PTPRD: variants seen among roughly 807,000 people sequenced by gnomAD.
PTPRD encodes protein tyrosine phosphatase receptor type D.
In PTPRD, 34 loss-of-function variants were observed where a neutral mutation model predicts 214.5. The ratio of observed to expected loss-of-function variants is 0.16; its 90% CI spans 0.12 to 0.21. PTPRD has a LOEUF of 0.21. Ranked by LOEUF, PTPRD falls within the 10% of genes least tolerant of loss-of-function variation. The probability of loss-of-function intolerance (pLI) is 1.00; values close to 1 mark genes in which losing one functional copy is unlikely to be tolerated. For missense variants in PTPRD, 2,545 were observed against 2,398.7 expected (o/e 1.06, Z -1.27); for synonymous variants, 1,128 against 845.7 (o/e 1.33, Z -5.79).
At chr9:10,278,530 A>T (rs10959011) in intron 3 of PTPRD, among the ~76,000 whole-genome samples, 14,051 of 152,184 alleles carry the variant, frequency 0.092, 744 homozygotes, top group African/African-American at 0.1. Flanking sequence ...CCACTGCAGA[A>T]CAGGAAAGAA....
chr9:8,684,107 C>A (rs185643544), intron 12 of PTPRD, among the ~76,000 whole-genome samples: 1 of 152,114 alleles, frequency 6.6e-6, no homozygotes, highest in Non-Finnish European at 1.5e-5. Context: ...ATCTCTGCTG[C>A]GCCCTATCTG....
intron 11 of PTPRD, among the ~76,000 whole-genome samples, chr9:8,882,912 G>T: frequency 7.2e-6 from 1 of 139,588 alleles, no homozygotes; most frequent in East Asian, 2.3e-4. Flanking sequence ...TTTAGAGCAT[G>T]ACTTCTGAAG....
At chr9:10,063,683 G>A (rs1276688305) in intron 3 of PTPRD, among the ~76,000 whole-genome samples, 2 of 151,992 alleles carry the variant, frequency 1.3e-5, no homozygotes, top group Non-Finnish European at 1.5e-5. Context: ...AAATTACGGT[G>A]TGAAAGCCCT....
intron 10 of PTPRD, among the ~76,000 whole-genome samples, chr9:9,076,840 T>C (rs1271684304): frequency 2.7e-5 from 4 of 150,850 alleles, no homozygotes; most frequent in African/African-American, 7.3e-5. Flanking sequence ...TGCTGGAACA[T>C]ATGGTAGCTC....
chr9:9,966,195 A>T (rs2094686175), intron 4 of PTPRD, among the ~76,000 whole-genome samples: 1 of 152,120 alleles, frequency 6.6e-6, no homozygotes. Context: ...GAAACTAAAG[A>T]CCTAAGGCTA....
chr9:8,565,226 G>A (rs2088492765), intron 14 of PTPRD, among the ~76,000 whole-genome samples: 1 of 152,082 alleles, frequency 6.6e-6, no homozygotes, highest in African/African-American at 2.4e-5. Flanking sequence ...GAGGACCGGG[G>A]AGTTTACACT....
chr9:8,353,898 A>ATG (rs1247071828), intron 39 of PTPRD, among the ~76,000 whole-genome samples: 1 of 143,794 alleles, frequency 7.0e-6, no homozygotes, highest in African/African-American at 2.6e-5. Flanking sequence ...ATATGTATAT[A>ATG]TGTATATATG....
chr9:9,376,110 C>A (rs2140082467), intron 9 of PTPRD, among the ~76,000 whole-genome samples: 1 of 152,150 alleles, frequency 6.6e-6, no homozygotes, highest in Admixed American at 6.6e-5. Context: ...TTCTACTATA[C>A]CATGATTCCT....
chr9:8,977,620 T>G (rs2099275310), intron 11 of PTPRD, among the ~76,000 whole-genome samples: 2 of 151,910 alleles, frequency 1.3e-5, no homozygotes, highest in South Asian at 4.2e-4. Flanking sequence ...CTCTCTATTT[T>G]AATAATTCAT....
intron 3 of PTPRD, among the ~76,000 whole-genome samples, chr9:10,069,521 T>TAG: frequency 6.6e-6 from 1 of 152,054 alleles, no homozygotes; most frequent in Non-Finnish European, 1.5e-5. Context: ...AGGATTTCTC[T>TAG]AGAGAAAATA....
intron 6 of PTPRD, among the ~76,000 whole-genome samples, chr9:9,744,372 A>G (rs1218569237): frequency 6.6e-6 from 1 of 152,048 alleles, no homozygotes; most frequent in Non-Finnish European, 1.5e-5. Flanking sequence ...GTAGATGTTG[A>G]GGACTGCATA....
chr9:9,271,522 T>C (rs1040191635), intron 9 of PTPRD, among the ~76,000 whole-genome samples: 2 of 151,520 alleles, frequency 1.3e-5, no homozygotes, highest in Middle Eastern at 3.4e-3. Flanking sequence ...ATGCTATGAA[T>C]TGAATTCATT....
At chr9:9,370,763 CTTA>C (rs1341765415) in intron 9 of PTPRD, among the ~76,000 whole-genome samples, 3 of 152,022 alleles carry the variant, frequency 2.0e-5, no homozygotes, top group African/African-American at 7.3e-5. Flanking sequence ...ATAGATAGCT[CTTA>C]TTATTTTGAG....
intron 12 of PTPRD, among the ~76,000 whole-genome samples, chr9:8,645,843 T>C (rs1468087612): frequency 1.3e-5 from 2 of 148,426 alleles, no homozygotes; most frequent in Non-Finnish European, 3.0e-5. Context: ...CTTCTCCTCT[T>C]ACTGAGTGTT....
At chr9:9,319,592 C>A (rs1160575590) in intron 9 of PTPRD, among the ~76,000 whole-genome samples, 2 of 152,146 alleles carry the variant, frequency 1.3e-5, no homozygotes, top group Admixed American at 6.6e-5. Context: ...CTCATTTCCC[C>A]ATATGTCTTC....
Position 9,299,323 on chromosome 9 carries a change from A to T in PTPRD, c.-203+98126T>A, listed in dbSNP as rs188642484. On this transcript the variant is annotated intron_variant, in intron 9 of 45. Transcript: ENST00000381196. ...TTTGCCCCCCAGAGGACATTTGGCA[A>T]TGTCTGGTAACATATTTAATGATTT... Among the ~76,000 whole-genome samples the T allele has an allele frequency of 4.9e-4, 74 of 151,876 alleles. No individual in the cohort carries two copies. In the East Asian group the frequency reaches 9.9e-3, roughly 20 times the overall value.
intron 10 of PTPRD, among the ~76,000 whole-genome samples, chr9:9,089,432 C>T (rs1334113359): frequency 7.2e-5 from 11 of 152,184 alleles, no homozygotes; most frequent in African/African-American, 2.2e-4. Flanking sequence ...AGATTCAGTA[C>T]GAATATTAAT....
rs1768879 is a variant in PTPRD at position 9,786,825 on chromosome 9, C to T, written c.-367-19974G>A. On this transcript the variant is annotated intron_variant, in intron 5 of 45. Coordinates refer to ENST00000381196, the MANE Select transcript of PTPRD (RefSeq NM_002839.4). ...CACTCTAGAGATTCCCATCTTAATA[C>T]TAATTTTTATTAACTTCATATTTTT... 2.2e-3 allele frequency among the ~76,000 whole-genome samples: 331 copies of T among 152,040 alleles called. 3 individuals are homozygous for T. The highest frequency in any genetic ancestry group is 7.3e-3 in the African/African-American group (303 of 41,472).
chr9:8,544,594 C>T (rs558584715), intron 14 of PTPRD, among the ~76,000 whole-genome samples: 13 of 151,300 alleles, frequency 8.6e-5, no homozygotes, highest in Admixed American at 3.3e-4. Context: ...CTCAGCCTCC[C>T]GAATAGCTGG....
Sources: allele counts gnomAD v4.1 joint callset (sites outside exome capture counted in the v4.1 genomes callset), GRCh38; gene constraint gnomAD v4.1.1; transcripts MANE v1.5; gene names NCBI Gene and HGNC (gene_info 2026-07-23, HGNC 2026-07-21).